SLC38A6: variants seen among roughly 807,000 people sequenced by gnomAD.
SLC38A6 encodes the protein N system amino acid transporter NAT-1.
In SLC38A6, 73 loss-of-function variants were observed where a neutral mutation model predicts 65.0. That is an observed-to-expected ratio of 1.12 (90% confidence interval 0.93 to 1.37). The LOEUF (loss-of-function observed/expected upper bound fraction) is 1.37. Among genes scored for constraint, SLC38A6 ranks in the 40% most tolerant of loss-of-function variants. SLC38A6 has a pLI of 0.00. For missense variants in SLC38A6, 561 were observed against 531.1 expected (o/e 1.06, Z -0.55); for synonymous variants, 183 against 178.8 (o/e 1.02, Z -0.19).
chr14:61,009,175 T>C (rs1324104009), intron 3 of SLC38A6, among the ~76,000 whole-genome samples: 1 of 152,188 alleles, frequency 6.6e-6, no homozygotes. Flanking sequence ...ATGTTAGTAT[T>C]GAGAGCATTT....
intron 3 of SLC38A6, among the ~76,000 whole-genome samples, chr14:60,997,870 T>G (rs1304696786): frequency 6.6e-6 from 1 of 151,868 alleles, no homozygotes; most frequent in African/African-American, 2.4e-5. Context: ...TAGGAGGAGG[T>G]TGTTCAAAAT....
intron 6 of SLC38A6, chr14:61,031,146 C>A (rs1277215865): frequency 6.6e-6 from 1 of 152,046 alleles, no homozygotes; most frequent in African/African-American, 2.4e-5. Flanking sequence ...TTTTGACTCA[C>A]CTCTTTATAG....
At chr14:61,028,314 T>C (rs1476169457) in intron 5 of SLC38A6, among the ~76,000 whole-genome samples, 2 of 152,142 alleles carry the variant, frequency 1.3e-5, no homozygotes, top group African/African-American at 4.8e-5. Context: ...GATAATAAAT[T>C]ACATTTTATA....
intron 3 of SLC38A6, among the ~76,000 whole-genome samples, chr14:61,012,222 T>C (rs899793250): frequency 6.6e-6 from 1 of 152,208 alleles, no homozygotes; most frequent in African/African-American, 2.4e-5. Flanking sequence ...GTGGGATCGG[T>C]GGTGATATCC....
intron 3 of SLC38A6, among the ~76,000 whole-genome samples, chr14:60,989,732 A>G (rs2037719759): frequency 6.6e-6 from 1 of 152,136 alleles, no homozygotes. Context: ...CTCCAAAAAG[A>G]AAAAGAATTA....
chr14:61,051,313 C>T (rs1187254091), intron 13 of SLC38A6, among the ~76,000 whole-genome samples: 1 of 152,076 alleles, frequency 6.6e-6, no homozygotes, highest in Non-Finnish European at 1.5e-5. Flanking sequence ...GGCATGTGAC[C>T]GCCTGCTGTG....
intron 3 of SLC38A6, among the ~76,000 whole-genome samples, chr14:61,003,306 G>T (rs1291363056): frequency 6.6e-6 from 1 of 151,716 alleles, no homozygotes; most frequent in Non-Finnish European, 1.5e-5. Context: ...AAAATAATAT[G>T]GGCATTTAAA....
Position 61,051,918 on chromosome 14 carries a change from A to AT in SLC38A6, c.1185dup (p.Gly396TrpfsTer22). On this transcript the variant is annotated frameshift_variant, in exon 14 of 16. Transcript: ENST00000267488. LOFTEE classifies it high-confidence loss of function. ...TATATGTTCCTGACATTAGAAATGTATTTGGTGTAGTTGGTAAGTTTTCTG... is the reference window on the plus strand; with the variant it reads ...TATATGTTCCTGACATTAGAAATGTATTTTGGTGTAGTTGGTAAGTTTTCTG... 1 of 1,609,896 alleles carries AT rather than the reference A, an allele frequency of 6.2e-7. No homozygotes were observed. The highest frequency in any genetic ancestry group is 8.5e-7 in the Non-Finnish European group (1 of 1,178,828).
At chr14:61,016,497 C>T (rs2040020320) in intron 4 of SLC38A6, among the ~76,000 whole-genome samples, 1 of 152,210 alleles carries the variant, frequency 6.6e-6, no homozygotes, top group East Asian at 1.9e-4. Context: ...GTACCACATC[C>T]TAGAACTCTA....
In SLC38A6 at chr14:61,083,619, CT is replaced by C. The variant is rs1449741609; in HGVS notation, c.1474del (p.Cys492ValfsTer18). Reference sequence around the variant, plus strand: ...ACGCAAGGACACAGCAAGAAGGCAACTGTTTACAAGCCAAGGGAAGAGGCCT... The same window carrying C: ...ACGCAAGGACACAGCAAGAAGGCAACGTTTACAAGCCAAGGGAAGAGGCCT... On this transcript the variant is annotated frameshift_variant, in exon 17 of 17. Coordinates refer to the SLC38A6 transcript ENST00000354886. LOFTEE classifies it low-confidence loss of function (END_TRUNC). 1.9e-6 allele frequency: 3 copies of C among 1,550,402 alleles called. No individual in the cohort carries two copies. The highest frequency in any genetic ancestry group is 2.6e-6 in the Non-Finnish European group (3 of 1,146,962).
intron 14 of SLC38A6, 37 bp from the exon 15 acceptor site, chr14:61,052,004 A>T: frequency 6.3e-7 from 1 of 1,598,722 alleles, no homozygotes; most frequent in Non-Finnish European, 8.5e-7. Flanking sequence ...ATCTGAATCC[A>T]GCAATATCCT....
chr14:60,982,981 G>T (rs2037175673), intron 2 of SLC38A6, among the ~76,000 whole-genome samples: 1 of 152,156 alleles, frequency 6.6e-6, no homozygotes, highest in South Asian at 2.1e-4. Context: ...TTTTGTGAGT[G>T]CAAATACAAC....
At chr14:61,030,569 A>G in intron 6 of SLC38A6, 46 bp downstream of exon 6, 4 of 1,249,068 alleles carry the variant, frequency 3.2e-6, no homozygotes, top group Non-Finnish European at 4.6e-6. Context: ...TATTAATTTG[A>G]TAAATATGTA....
chr14:61,011,266 TAAG>T (rs2039542022), intron 3 of SLC38A6, among the ~76,000 whole-genome samples: 2 of 152,328 alleles, frequency 1.3e-5, no homozygotes, highest in African/African-American at 4.8e-5. Context: ...CCTATCAGCT[TAAG>T]GAGATTTTGG....
intron 3 of SLC38A6, among the ~76,000 whole-genome samples, chr14:60,991,831 G>A (rs1352342700): frequency 6.6e-6 from 1 of 152,142 alleles, no homozygotes; most frequent in Non-Finnish European, 1.5e-5. Flanking sequence ...CATCCTTGAG[G>A]TCTAGGACGA....
intron 3 of SLC38A6, among the ~76,000 whole-genome samples, chr14:60,999,501 A>G (rs1413006438): frequency 1.3e-5 from 2 of 152,146 alleles, no homozygotes; most frequent in African/African-American, 4.8e-5. Flanking sequence ...CCTTTACTAT[A>G]TGAAATGAAA....
intron 3 of SLC38A6, among the ~76,000 whole-genome samples, chr14:61,014,742 G>A (rs927446103): frequency 6.6e-6 from 1 of 152,138 alleles, no homozygotes; most frequent in Non-Finnish European, 1.5e-5. Flanking sequence ...CGTTCCTCTG[G>A]AAGTTTTGTC....
chr14:61,061,092 C>G (rs1184802770), intron 15 of SLC38A6, among the ~76,000 whole-genome samples: 1 of 152,122 alleles, frequency 6.6e-6, no homozygotes, highest in Non-Finnish European at 1.5e-5. Context: ...CTGCGTCGCT[C>G]ACGCTGGGAG....
rs921661845 is a variant in SLC38A6 at position 61,065,539 on chromosome 14, A to G, written c.1291-13271A>G. Reference sequence around the variant, plus strand: ...AGCATCTACCTTTAAGAACTTTACAATTTTTTCTCATATCCCTGGGGTAGT... The same window carrying G: ...AGCATCTACCTTTAAGAACTTTACAGTTTTTTCTCATATCCCTGGGGTAGT... On this transcript the variant is annotated intron_variant, in intron 15 of 16. Coordinates refer to the SLC38A6 transcript ENST00000354886. Among the ~76,000 whole-genome samples, 67 of 152,126 alleles carry G rather than the reference A, an allele frequency of 4.4e-4. 1 individual carries two copies. Among genetic ancestry groups the G allele is most frequent in the Non-Finnish European group, 8.5e-4 (58 of 68,016 alleles).
Sources: gnomAD v4.1 joint callset for allele counts (sites outside exome capture counted in the v4.1 genomes callset) on GRCh38, gnomAD v4.1.1 for gene constraint, MANE v1.5 for transcripts, NCBI Gene and HGNC (gene_info 2026-07-23, HGNC 2026-07-21) for gene names.